The following ABCA8 variants were observed in gnomAD, a reference collection of about 807,000 sequenced individuals.
ABCA8 encodes the protein ABC-type organic anion transporter ABCA8.
ABCA8 carries 177 observed loss-of-function variants against 192.3 expected under a neutral mutation model. The observed-to-expected ratio is 0.92, with a 90% CI of 0.81 to 1.04. The LOEUF is 1.04. ABCA8 is among the 50% of genes least tolerant of loss of function. The probability of loss-of-function intolerance (pLI) is 0.00; values close to 1 mark genes in which losing one functional copy is unlikely to be tolerated. For missense variants in ABCA8, 1,915 were observed against 1,904.8 expected, an observed-to-expected ratio of 1.01 and a Z score of -0.10; for synonymous variants, 642 against 690.2, an observed-to-expected ratio of 0.93 and a Z score of 1.09.
rs1410387690 is a variant in ABCA8, at chr17:68,935,438, T to C, written c.466+1513A>G. Among the ~76,000 whole-genome samples the C allele has an allele frequency of 2.0e-5, 3 of 150,826 alleles. No individual in the cohort carries two copies. In the East Asian group the frequency reaches 5.8e-4, roughly 29 times the overall value. On this transcript the variant is annotated intron_variant, in intron 5 of 39. Transcript: ENST00000586539. ...GGCCACTTTATCACAATTTTTGCCT[T>C]TATTTTTCACTATCTCTATGGTTCT...
intron 17 of ABCA8, among the ~76,000 whole-genome samples, chr17:68,909,705 A>T (rs937970584): frequency 6.6e-6 from 1 of 152,222 alleles, no homozygotes; most frequent in Non-Finnish European, 1.5e-5. Flanking sequence ...AAATAAAAAA[A>T]AATTGGGACA....
chr17:68,884,333 T>C lies in ABCA8; in HGVS notation c.3613A>G (p.Ile1205Val). 2 of 1,581,194 alleles carry C rather than the reference T, an allele frequency of 1.3e-6. No individual in the cohort carries two copies. The change falls in exon 28 of 40, where the codon ATT becomes GTT. Residue 1205 changes from isoleucine to valine, a missense_variant and splice_region_variant. By Grantham distance (29) the Ile-to-Val change is conservative (BLOSUM62 3). Transcript: ENST00000586539. ...TTTAAAGAACAGTGTGTTCTTACAA[T>C]TAGGAATACCAGAAATGGCTGTACA... ...MDVQPFLVFLIPFLHFIIFLF... is the reference protein window; with the variant it reads ...MDVQPFLVFLVPFLHFIIFLF...
intron 13 of ABCA8, among the ~76,000 whole-genome samples, chr17:68,920,444 CAA>C: frequency 8.4e-6 from 1 of 119,180 alleles, no homozygotes; most frequent in Admixed American, 8.3e-5. Context: ...TATTGCTTAA[CAA>C]AAAAAAAAAG....
intron 21 of ABCA8, 86 bp from the exon 22 acceptor site, chr17:68,895,099 A>G (rs756275742): frequency 2.6e-5 from 31 of 1,214,696 alleles, no homozygotes; most frequent in Non-Finnish European, 3.5e-5. Flanking sequence ...TAATGTCATT[A>G]TGTGAAGCAG....
At chr17:68,953,370 G>C (rs2143836826) in intron 1 of ABCA8, among the ~76,000 whole-genome samples, 1 of 152,288 alleles carries the variant, frequency 6.6e-6, no homozygotes, top group Non-Finnish European at 1.5e-5. Flanking sequence ...ATAGTGATGA[G>C]AAGTGAATGA....
At position 68,927,924 on chromosome 17, in the gene ABCA8, A is replaced by AT; in HGVS notation, c.1264dup (p.Ile422AsnfsTer5). 6.3e-7 allele frequency: 1 copy of AT among 1,597,110 alleles called. No individual in the cohort carries two copies. The highest frequency in any genetic ancestry group is 8.5e-7 in the Non-Finnish European group (1 of 1,174,362). On this transcript the variant is annotated frameshift_variant, in exon 10 of 40. Transcript: ENST00000586539. LOFTEE classifies it high-confidence loss of function. ...ATCATATCATTACTCACTTGGCAAA[A>AT]TTTTTTCAAAGTAAATCGCCAATGC...
chr17:68,875,651 A>C lies in ABCA8; in HGVS notation c.4453T>G (p.Cys1485Gly). Reference protein sequence around the residue: ...THYMAEAEAVCDRVAIMVSGR... With the variant: ...THYMAEAEAVGDRVAIMVSGR... ...GATACCATGATGGCCACTCGGTCAC[A>C]CACGGCCTCAGCCTCTGCCATGTAG... The change falls in exon 36 of 40, where the codon TGT (cysteine) becomes GGT (glycine). Residue 1485 changes from cysteine to glycine, a missense_variant. Coordinates refer to ENST00000586539, the MANE Select transcript of ABCA8 (RefSeq NM_001288985.2). 2 of 1,614,180 alleles carry C rather than the reference A, an allele frequency of 1.2e-6. No homozygotes were observed. The highest frequency in any genetic ancestry group is 1.7e-6 in the Non-Finnish European group (2 of 1,180,026).
At chr17:68,931,760 C>CCT in intron 7 of ABCA8, 1 of 97,322 alleles carries the variant, frequency 1.0e-5, no homozygotes, top group Admixed American at 1.1e-4. Flanking sequence ...AAATACATTT[C>CCT]CTTTTTTTTT....
chr17:68,917,501 C>A, intron 16 of ABCA8, 50 bp from the exon 17 acceptor site: 1 of 1,364,222 alleles, frequency 7.3e-7, no homozygotes, highest in South Asian at 1.3e-5. Context: ...AGTGGCCCAT[C>A]CATTTCCAAG....
At chr17:68,944,566 G>C (rs763323859) in intron 2 of ABCA8, 5 of 151,092 alleles carry the variant, frequency 3.3e-5, no homozygotes, top group Non-Finnish European at 5.9e-5. Context: ...AGCTAATGAG[G>C]GGCAATCTGT....
rs184120260 is a variant in ABCA8, at chr17:68,939,349, C to T, written c.301+1409G>A. 2.4e-3 allele frequency among the ~76,000 whole-genome samples: 358 copies of T among 152,198 alleles called. 2 individuals are homozygous for T. In the Middle Eastern group the frequency reaches 0.027, roughly 12 times the overall value. ...CATTTGGGATACTTCCCTTCCTCTG[C>T]TCACATATCCTGTGGTTTCAATGTG... On this transcript the variant is annotated intron_variant, in intron 4 of 39. Transcript: ENST00000586539.
chr17:68,940,739 A>G lies in ABCA8; in HGVS notation c.301+19T>C. 6.3e-7 allele frequency: 1 copy of G among 1,591,248 alleles called. No homozygotes were observed. Among genetic ancestry groups the G allele is most frequent in the Non-Finnish European group, 8.6e-7 (1 of 1,159,810 alleles). ...AATATTCACACCAGACATTCTTCTT[A>G]AGTAACTAGAAAACTTACCTGCCAG... is the stretch of plus-strand genomic sequence containing the variant. On this transcript the variant is annotated intron_variant, in intron 4 of 39. Coordinates refer to ENST00000586539, the MANE Select transcript of ABCA8 (RefSeq NM_001288985.2).
Position 68,875,595 on chromosome 17 carries a change from G to A in ABCA8, c.4490+19C>T, listed in dbSNP as rs1482344551. Reference sequence around the variant, plus strand: ...CAATGCACCTTGGGCTCAAGTGTGGGTCCAGGACAGGCACTCACCTCAACC... The same window carrying A: ...CAATGCACCTTGGGCTCAAGTGTGGATCCAGGACAGGCACTCACCTCAACC... On this transcript the variant is annotated intron_variant, in intron 36 of 39. Transcript: ENST00000586539. 6.2e-7 allele frequency: 1 copy of A among 1,612,540 alleles called. No individual in the cohort carries two copies.
intron 23 of ABCA8, among the ~76,000 whole-genome samples, chr17:68,893,489 T>C (rs925051306): frequency 5.9e-5 from 9 of 152,214 alleles, no homozygotes; most frequent in Non-Finnish European, 1.2e-4. Context: ...GTAGATAGTC[T>C]GAAATTCTAG....
chr17:68,868,426 A>G, intron 38 of ABCA8, 70 bp from the exon 39 acceptor site: 1 of 1,312,322 alleles, frequency 7.6e-7, no homozygotes, highest in Non-Finnish European at 1.1e-6. Flanking sequence ...AGCATATAGT[A>G]CAAATGATAT....
Position 68,929,061 on chromosome 17 carries a change from AAG to A in ABCA8, c.1111_1112del (p.Leu371TrpfsTer11). The A allele has an allele frequency of 1.9e-6, 3 of 1,568,644 alleles. No individual in the cohort carries two copies. Among genetic ancestry groups the A allele is most frequent in the Non-Finnish European group, 2.6e-6 (3 of 1,156,766 alleles). On this transcript the variant is annotated frameshift_variant, in exon 9 of 40. Transcript: ENST00000586539. LOFTEE classifies it high-confidence loss of function. Reference protein sequence around the residue: ...LSLLSPFAFMLGMAQLLHLDY... With the variant: ...LSLLSPFAFMXGMAQLLHLDY... Reference sequence around the variant, plus strand: ...GATGGCATCTCACCTGGGCCATTCCAAGCATGAAGGCAAAGGGACTAAGCAAG... The same window carrying A: ...GATGGCATCTCACCTGGGCCATTCCACATGAAGGCAAAGGGACTAAGCAAG...
At chr17:68,935,540 C>CTATCTATATATATATATA (rs747035477) in intron 5 of ABCA8, among the ~76,000 whole-genome samples, 2 of 87,290 alleles carry the variant, frequency 2.3e-5, no homozygotes, top group African/African-American at 9.4e-5. Flanking sequence ...AGTAGTATTC[C>CTATCTATATATATATATA]TATATATATA....
intron 38 of ABCA8, among the ~76,000 whole-genome samples, chr17:68,869,248 G>A (rs1392003020): frequency 6.6e-6 from 1 of 152,168 alleles, no homozygotes; most frequent in South Asian, 2.1e-4. Context: ...CAGATGCAGG[G>A]AAGTTAGTTC....
intron 1 of ABCA8, among the ~76,000 whole-genome samples, chr17:68,950,166 C>T (rs534492010): frequency 6.1e-4 from 92 of 151,918 alleles, no homozygotes; most frequent in Admixed American, 1.1e-3. Flanking sequence ...AGCAAAAAGC[C>T]GTCCACTGCT....
Sources: gnomAD v4.1 joint callset for allele counts (sites outside exome capture counted in the v4.1 genomes callset) on GRCh38, gnomAD v4.1.1 for gene constraint, MANE v1.5 for transcripts, NCBI Gene and HGNC (gene_info 2026-07-23, HGNC 2026-07-21) for gene names.